The following FGF7 variants were observed in gnomAD, a reference collection of about 807,000 sequenced individuals.
The protein encoded by FGF7 is fibroblast growth factor 7, also known as FGF-7.
FGF7 carries 6 observed loss-of-function variants against 20.5 expected under a neutral mutation model. That is an observed-to-expected ratio of 0.29 (90% CI 0.16 to 0.58). The LOEUF (loss-of-function observed/expected upper bound fraction) is 0.58, where lower values mean the gene tolerates loss of function less well. FGF7 is among the 20% of genes least tolerant of loss of function. The pLI is 0.90. For missense variants in FGF7, 144 were observed against 228.8 expected (o/e 0.63, Z 2.39); for synonymous variants, 64 against 74.7 (o/e 0.86, Z 0.74).
chr15:49,433,708 T>C (rs1469257537), intron 2 of FGF7, among the ~76,000 whole-genome samples: 1 of 151,690 alleles, frequency 6.6e-6, no homozygotes, highest in African/African-American at 2.4e-5. Context: ...TTACCACTGG[T>C]GACACTGGAA....
At chr15:49,448,463 T>C (rs1410112827) in intron 2 of FGF7, among the ~76,000 whole-genome samples, 1 of 151,800 alleles carries the variant, frequency 6.6e-6, no homozygotes, top group Non-Finnish European at 1.5e-5. Context: ...TTCCTTGTGC[T>C]TAAATTTAAA....
At chr15:49,469,772 A>T (rs1229295338) in intron 2 of FGF7, among the ~76,000 whole-genome samples, 1 of 152,146 alleles carries the variant, frequency 6.6e-6, no homozygotes, top group Non-Finnish European at 1.5e-5. Flanking sequence ...TTTAAAAGTG[A>T]TTGATAATAG....
chr15:49,426,109 A>AT (rs2050109953), intron 2 of FGF7, among the ~76,000 whole-genome samples: 1 of 151,742 alleles, frequency 6.6e-6, no homozygotes, highest in Non-Finnish European at 1.5e-5. Flanking sequence ...GGTAAAAATT[A>AT]TGACACATGG....
At chr15:49,473,673 C>A (rs2054992251) in intron 2 of FGF7, among the ~76,000 whole-genome samples, 1 of 152,020 alleles carries the variant, frequency 6.6e-6, no homozygotes, top group Admixed American at 6.5e-5. Context: ...AAAACTATTT[C>A]TCTTATTTCA....
chr15:49,429,164 C>A (rs2050377189), intron 2 of FGF7, among the ~76,000 whole-genome samples: 1 of 151,844 alleles, frequency 6.6e-6, no homozygotes, highest in Non-Finnish European at 1.5e-5. Context: ...ACAACCCCTG[C>A]CTTTAAAAAA....
Position 49,433,426 on chromosome 15 carries a change from C to T in FGF7, c.286+8843C>T, listed in dbSNP as rs542058271. ...AAAAGAGGGGAGAAAGATTAGTGAT[C>T]ACTCAATATATTTATCCTTTAATTT... On this transcript the variant is annotated intron_variant, in intron 2 of 3. Transcript: ENST00000267843. Among the ~76,000 whole-genome samples, 18 of 151,672 alleles carry T rather than the reference C, an allele frequency of 1.2e-4. No homozygotes were observed. The South Asian group carries it at 1.5e-3, about 12-fold the overall frequency.
intron 2 of FGF7, among the ~76,000 whole-genome samples, chr15:49,465,162 C>G (rs2054150309): frequency 6.6e-6 from 1 of 152,052 alleles, no homozygotes; most frequent in Non-Finnish European, 1.5e-5. Flanking sequence ...TGGAGTCTCG[C>G]ACTGTTGCTC....
At chr15:49,463,929 GT>G (rs1261324429) in intron 2 of FGF7, among the ~76,000 whole-genome samples, 1 of 132,168 alleles carries the variant, frequency 7.6e-6, no homozygotes, top group Non-Finnish European at 1.6e-5. Context: ...GTTTTTGTTT[GT>G]TTTTTGTTTG....
rs570121778 is a variant in FGF7, at chr15:49,468,692, A to C, written c.287-14459A>C. On this transcript the variant is annotated intron_variant, in intron 2 of 3. Transcript: ENST00000267843. ...GCCCCTTCAAAGTGAAAGTCAATAA[A>C]GAAATGTGGAGAAAGTGAACTCAAT... Among the ~76,000 whole-genome samples the C allele has an allele frequency of 8.8e-4, 134 of 152,304 alleles. 5 individuals are homozygous for C. In the South Asian group the frequency reaches 0.027, roughly 30 times the overall value.
rs2055223310 is a variant in FGF7 at position 49,475,959 on chromosome 15, C to T, written c.287-7192C>T. Among the ~76,000 whole-genome samples the T allele has an allele frequency of 2.0e-5, 3 of 152,236 alleles. No homozygotes were observed. The South Asian group carries it at 6.2e-4, about 32-fold the overall frequency. On this transcript the variant is annotated intron_variant, in intron 2 of 3. Coordinates refer to ENST00000267843, the MANE Select transcript of FGF7 (RefSeq NM_002009.4). ...AATTTGGCCCTAACTCTTTTTCCAC[C>T]CTCTCACTATTTTGTTACACTTCCT...
intron 2 of FGF7, among the ~76,000 whole-genome samples, chr15:49,452,264 G>A (rs2052825754): frequency 2.6e-5 from 4 of 152,056 alleles, no homozygotes; most frequent in African/African-American, 9.7e-5. Flanking sequence ...TGTTGGCCAG[G>A]ATGGTCTCGA....
At chr15:49,452,686 G>A (rs2052873182) in intron 2 of FGF7, among the ~76,000 whole-genome samples, 1 of 152,014 alleles carries the variant, frequency 6.6e-6, no homozygotes, top group African/African-American at 2.4e-5. Flanking sequence ...ATTATTTCTG[G>A]GCAAATGAGT....
chr15:49,487,295 AAAATT>A lies in FGF7; in HGVS notation c.*2796_*2800del, dbSNP rs1231202425. The A allele has an allele frequency of 6.6e-6, 1 of 151,972 alleles. No individual in the cohort carries two copies. The highest frequency in any genetic ancestry group is 2.4e-5 in the African/African-American group (1 of 41,432). The allele number at this position is 151,972 out of a possible 1,614,324, so 9.4% of individuals were successfully genotyped here. On this transcript the variant is annotated 3_prime_UTR_variant, in exon 4 of 4. Transcript: ENST00000267843. ...CTTTTAAAAATGTTCTTTGAAAGAT[AAAATT>A]AAATACATGAGTTTCTAACAATTAG...
At chr15:49,459,553 T>A (rs2053607721) in intron 2 of FGF7, among the ~76,000 whole-genome samples, 1 of 152,322 alleles carries the variant, frequency 6.6e-6, no homozygotes, top group Admixed American at 6.5e-5. Context: ...TATCTTTATC[T>A]TAATTATTTT....
Position 49,488,116 on chromosome 15 carries a change from AT to A in FGF7, c.*3613del, listed in dbSNP as rs1347192405. 1 of 152,006 alleles carries A rather than the reference AT, an allele frequency of 6.6e-6. No homozygotes were observed. Among genetic ancestry groups the A allele is most frequent in the Admixed American group, 6.6e-5 (1 of 15,216 alleles). The allele number at this position is 152,006 out of a possible 1,614,324, so 9.4% of individuals were successfully genotyped here. On this transcript the variant is annotated 3_prime_UTR_variant, in exon 4 of 4. Coordinates refer to ENST00000267843, the MANE Select transcript of FGF7 (RefSeq NM_002009.4). ...TACATCGAAATGGATGCAGGCCACT[AT>A]GACTAACTTGTGGGTATCATTTCTA...
At chr15:49,438,451 A>G (rs995463037) in intron 2 of FGF7, among the ~76,000 whole-genome samples, 2 of 151,764 alleles carry the variant, frequency 1.3e-5, no homozygotes, top group Non-Finnish European at 2.9e-5. Context: ...AATGGACCAG[A>G]TTGTCAATTG....
chr15:49,478,956 G>T (rs749946548), intron 2 of FGF7, among the ~76,000 whole-genome samples: 10 of 152,090 alleles, frequency 6.6e-5, no homozygotes, highest in Non-Finnish European at 1.3e-4. Context: ...AGATTTTAGA[G>T]AATTTTTTTA....
At chr15:49,472,761 G>C (rs2054893841) in intron 2 of FGF7, among the ~76,000 whole-genome samples, 1 of 152,118 alleles carries the variant, frequency 6.6e-6, no homozygotes, top group South Asian at 2.1e-4. Flanking sequence ...AAAAGGGCTA[G>C]AATCAAAACG....
intron 2 of FGF7, chr15:49,425,434 G>T (rs2050042207): frequency 6.6e-6 from 1 of 151,934 alleles, no homozygotes. Context: ...AATGGAATAA[G>T]ATACACACCT....
Sources: allele counts gnomAD v4.1 joint callset (sites outside exome capture counted in the v4.1 genomes callset), GRCh38; gene constraint gnomAD v4.1.1; transcripts MANE v1.5; gene names NCBI Gene and HGNC (gene_info 2026-07-23, HGNC 2026-07-21).